Variants in RPH3A observed in about 807,000 individuals in gnomAD.
RPH3A encodes rabphilin-3A.
RPH3A carries 48 observed loss-of-function variants against 102.2 expected under a neutral mutation model. The ratio of observed to expected loss-of-function variants is 0.47; its 90% CI spans 0.37 to 0.60. The LOEUF (loss-of-function observed/expected upper bound fraction) is 0.60. RPH3A is among the 20% of genes least tolerant of loss of function. RPH3A has a pLI of 0.00. For missense variants in RPH3A, 781 were observed against 910.1 expected, an observed-to-expected ratio of 0.86 and a Z score of 1.83; for synonymous variants, 310 against 324.3, an observed-to-expected ratio of 0.96 and a Z score of 0.47.
At chr12:112,712,993 G>GTCTTCCTCTTCCTCTTCCTCTTCC (rs200802149) in intron 1 of RPH3A, among the ~76,000 whole-genome samples, 2 of 58,974 alleles carry the variant, frequency 3.4e-5, no homozygotes, top group African/African-American at 1.5e-4. Context: ...CGTCGTCTTT[G>GTCTTCCTCTTCCTCTTCCTCTTCC]TCTTCCTCTT....
chr12:112,648,290 A>G (rs1356964729), intron 1 of RPH3A, among the ~76,000 whole-genome samples: 1 of 152,062 alleles, frequency 6.6e-6, no homozygotes, highest in Non-Finnish European at 1.5e-5. Context: ...GTTATGGCTG[A>G]ATAATGTTCC....
chr12:112,818,974 T>C (rs1246604672), intron 2 of RPH3A, among the ~76,000 whole-genome samples: 2 of 151,892 alleles, frequency 1.3e-5, no homozygotes, highest in Admixed American at 1.3e-4. Context: ...CAAGGCCCCT[T>C]CACATGAATT....
chr12:112,879,802 G>T (rs2042875899), intron 14 of RPH3A, among the ~76,000 whole-genome samples: 2 of 152,162 alleles, frequency 1.3e-5, no homozygotes, highest in Admixed American at 1.3e-4. Context: ...CCCCAAGCCT[G>T]GTCCACACAG....
Position 112,679,159 on chromosome 12 carries a change from C to CT in RPH3A, c.-140+103852dup, listed in dbSNP as rs879692320. ...CTCTGGAGTTCCTTTACTTACCACA[C>CT]TTTTTTTTTTTTGAGACGGAGTCTC... On this transcript the variant is annotated intron_variant, in intron 1 of 21. Transcript: ENST00000543106. Among the ~76,000 whole-genome samples the CT allele has an allele frequency of 4.8e-3, 700 of 146,686 alleles. 4 individuals are homozygous for CT. Among genetic ancestry groups the CT allele is most frequent in the African/African-American group, 0.014 (576 of 40,280 alleles).
rs1565856636 is a variant in RPH3A at position 112,712,884 on chromosome 12, TCTTCTTCTTCTTCTTCTTCC to T, written c.-139-79258_-139-79239del. ...CCACACCCAGCTCACTTTTTTTTCT[TCTTCTTCTTCTTCTTCTTCC>T]TCTTCTTCTTCTTCTTCTTCCTCTT... On this transcript the variant is annotated intron_variant, in intron 1 of 21. Coordinates refer to the RPH3A transcript ENST00000543106. Among the ~76,000 whole-genome samples, 124 of 138,820 alleles carry T rather than the reference TCTTCTTCTTCTTCTTCTTCC, an allele frequency of 8.9e-4. 2 individuals are homozygous for T. The highest frequency in any genetic ancestry group is 3.2e-3 in the African/African-American group (110 of 34,738). The allele number at this position is 138,820 out of a possible 152,430, so 91.1% of individuals were successfully genotyped here.
chr12:112,752,511 C>G (rs563260089), intron 1 of RPH3A, among the ~76,000 whole-genome samples: 1 of 151,266 alleles, frequency 6.6e-6, no homozygotes, highest in African/African-American at 2.4e-5. Flanking sequence ...GTCTTCTGTT[C>G]AAAACCACAA....
At chr12:112,887,611 C>T (rs562107307) in intron 16 of RPH3A, among the ~76,000 whole-genome samples, 186 bp from the exon 17 acceptor site, 1 of 152,336 alleles carries the variant, frequency 6.6e-6, no homozygotes, top group South Asian at 2.1e-4. Flanking sequence ...TGCTTTACTG[C>T]ATGTCAGTTA....
At chr12:112,662,538 C>T (rs1174772901) in intron 1 of RPH3A, among the ~76,000 whole-genome samples, 2 of 152,224 alleles carry the variant, frequency 1.3e-5, no homozygotes, top group African/African-American at 2.4e-5. Context: ...TCCTCTCCCA[C>T]GGTCTATGGC....
chr12:112,614,521 TA>T (rs749815704), intron 1 of RPH3A, among the ~76,000 whole-genome samples: 2,390 of 131,530 alleles, frequency 0.018, 49 homozygotes, highest in African/African-American at 0.053. Context: ...CTGTCTCTAT[TA>T]AAAAAAAAAA....
chr12:112,602,658 G>A lies in RPH3A; in HGVS notation c.-140+27339G>A, dbSNP rs145549845. On this transcript the variant is annotated intron_variant, in intron 1 of 21. Transcript: ENST00000543106. The stretch of plus-strand genomic sequence containing the variant: ...TGTAAAATTAACCAGGCGTGGTGGT[G>A]CATGCCTGTAATCCCAGCTACTCAG... Among the ~76,000 whole-genome samples, 269 of 152,240 alleles carry A rather than the reference G, an allele frequency of 1.8e-3. 4 individuals are homozygous for A. Among genetic ancestry groups the A allele is most frequent in the African/African-American group, 6.3e-3 (262 of 41,548 alleles).
intron 12 of RPH3A, among the ~76,000 whole-genome samples, chr12:112,876,403 A>G (rs2042797846): frequency 6.6e-6 from 1 of 152,206 alleles, no homozygotes; most frequent in Non-Finnish European, 1.5e-5. Flanking sequence ...CCAAGATTCA[A>G]ACCCAGGCTG....
At chr12:112,619,483 G>A (rs201646323) in intron 1 of RPH3A, among the ~76,000 whole-genome samples, 5 of 151,934 alleles carry the variant, frequency 3.3e-5, no homozygotes, top group African/African-American at 1.2e-4. Flanking sequence ...GGGTTTCACC[G>A]TGTTGGCCAG....
At chr12:112,687,550 A>C (rs2040274969) in intron 1 of RPH3A, among the ~76,000 whole-genome samples, 1 of 152,230 alleles carries the variant, frequency 6.6e-6, no homozygotes, top group Non-Finnish European at 1.5e-5. Flanking sequence ...TGGAATGACT[A>C]TCAGACCAGC....
At chr12:112,746,769 T>C (rs1199149867) in intron 1 of RPH3A, among the ~76,000 whole-genome samples, 1 of 152,138 alleles carries the variant, frequency 6.6e-6, no homozygotes, top group East Asian at 1.9e-4. Context: ...TCTCCGGCAG[T>C]TTCTCTGCCT....
At chr12:112,803,706 G>T (rs968778525) in intron 2 of RPH3A, among the ~76,000 whole-genome samples, 5 of 152,096 alleles carry the variant, frequency 3.3e-5, no homozygotes, top group Admixed American at 6.6e-5. Flanking sequence ...TTAGTCTTCA[G>T]CTCCTTCCAG....
chr12:112,772,210 G>A (rs193252223), intron 1 of RPH3A, among the ~76,000 whole-genome samples: 8 of 152,200 alleles, frequency 5.3e-5, no homozygotes, highest in East Asian at 1.9e-4. Flanking sequence ...TCCCTCTTCC[G>A]GCAAGTCACC....
rs35786803 is a variant in RPH3A at position 112,876,673 on chromosome 12, C to G, written c.978C>G (p.Ala326=). The G allele has an allele frequency of 1.6e-3, 2,614 of 1,612,586 alleles. 3 individuals are homozygous for G. The highest frequency in any genetic ancestry group is 2.4e-3 in the South Asian group (214 of 90,720). The change falls in exon 13 of 22, where the codon GCC becomes GCG. Residue 326 remains alanine (A), a synonymous_variant. Transcript: ENST00000389385. ...CTCCGAGCGACCCTGGGACCACTGC[C>G]CCACCCCGAGAGGAGAGAACAGGGG... ...EVAPSDPGTT[A]PPREERTGGV...
In RPH3A at chr12:112,661,091, G is replaced by A. The variant is rs569875672; in HGVS notation, c.-140+85772G>A. Among the ~76,000 whole-genome samples, 3 of 152,212 alleles carry A rather than the reference G, an allele frequency of 2.0e-5. No individual in the cohort carries two copies. In the South Asian group the frequency reaches 6.2e-4, roughly 32 times the overall value. On this transcript the variant is annotated intron_variant, in intron 1 of 21. Transcript: ENST00000543106. ...TTATAGTGCCTACCTCAGAGGGTTC[G>A]TGTGAAGAGGCAACGTGATTATGTA... is the stretch of plus-strand genomic sequence containing the variant.
chr12:112,794,350 C>A (rs2041185844), intron 2 of RPH3A, among the ~76,000 whole-genome samples: 1 of 152,176 alleles, frequency 6.6e-6, no homozygotes, highest in African/African-American at 2.4e-5. Flanking sequence ...TGCACATGCC[C>A]ACATTTCTAG....
Sources: gnomAD v4.1 joint callset for allele counts (sites outside exome capture counted in the v4.1 genomes callset) on GRCh38, gnomAD v4.1.1 for gene constraint, MANE v1.5 for transcripts, NCBI Gene and HGNC (gene_info 2026-07-23, HGNC 2026-07-21) for gene names.